Variants in SCAF11 observed in about 807,000 individuals in gnomAD.
The protein encoded by SCAF11 is SR-related CTD associated factor 11, also known as protein SCAF11.
Under a neutral mutation model 140.5 loss-of-function variants are expected in SCAF11, and 47 were observed. The ratio of observed to expected loss-of-function variants is 0.33; its 90% CI spans 0.26 to 0.43. The LOEUF (loss-of-function observed/expected upper bound fraction) is 0.43, where lower values mean the gene tolerates loss of function less well. SCAF11 is among the 20% of genes least tolerant of loss of function. The probability of loss-of-function intolerance (pLI) is 1.00; values close to 1 mark genes in which losing one functional copy is unlikely to be tolerated. For synonymous variants in SCAF11, 557 were observed against 579.4 expected, an observed-to-expected ratio of 0.96 and a Z score of 0.55; for missense variants, 1,645 against 1,705.1, an observed-to-expected ratio of 0.96 and a Z score of 0.62.
intron 4 of SCAF11, among the ~76,000 whole-genome samples, chr12:45,950,222 CT>C (rs1304781410): frequency 6.6e-6 from 1 of 151,794 alleles, no homozygotes; most frequent in Admixed American, 6.6e-5. Context: ...TCTATGGGAA[CT>C]GAAAAGTGAG....
upstream of SCAF11, chr12:45,992,036 T>G (rs749082226): frequency 1.6e-6 from 2 of 1,288,954 alleles, no homozygotes; most frequent in South Asian, 1.2e-5. Flanking sequence ...ACCGACCGCT[T>G]CACTGCCGCC....
At chr12:45,942,891 T>G (rs1306469436) in intron 6 of SCAF11, among the ~76,000 whole-genome samples, 1 of 152,178 alleles carries the variant, frequency 6.6e-6, no homozygotes, top group Non-Finnish European at 1.5e-5. Context: ...TGACAAGCAC[T>G]TTGTTGTTTT....
rs1592164689 is a variant in SCAF11, at chr12:45,926,512, A to C, written c.3189T>G (p.Phe1063Leu). The change falls in exon 11 of 15, where the codon TTT (phenylalanine) becomes TTG (leucine). Residue 1063 changes from phenylalanine (F) to leucine (L), a missense_variant. Phe to Leu is a conservative substitution (Grantham distance 22). Coordinates refer to ENST00000369367, the MANE Select transcript of SCAF11 (RefSeq NM_004719.3). ...CACGGTTAGATACCCAACCAGAACC[A>C]AAGTTTTTATTCCAAGAATTTCCTG... ...ENSGNSWNKNFGSGWVSNRGR... is the reference protein window; with the variant it reads ...ENSGNSWNKNLGSGWVSNRGR... 2 of 1,613,690 alleles carry C rather than the reference A, an allele frequency of 1.2e-6. No individual in the cohort carries two copies. The highest frequency in any genetic ancestry group is 3.3e-4 in the Middle Eastern group (2 of 6,058).
intron 6 of SCAF11, among the ~76,000 whole-genome samples, chr12:45,938,249 G>T (rs1045370191): frequency 1.3e-5 from 2 of 152,144 alleles, no homozygotes; most frequent in Non-Finnish European, 2.9e-5. Flanking sequence ...CAGCACTCTG[G>T]GAGGCCGAGG....
At chr12:45,955,956 T>C (rs1423896091) in intron 3 of SCAF11, 2 of 623,502 alleles carry the variant, frequency 3.2e-6, no homozygotes, top group African/African-American at 3.7e-5. Flanking sequence ...TGTACTAAGG[T>C]TGTTGTATCA....
At chr12:45,951,106 CAGTA>C (rs955066129) in intron 4 of SCAF11, among the ~76,000 whole-genome samples, 34 of 152,218 alleles carry the variant, frequency 2.2e-4, no homozygotes, top group South Asian at 1.0e-3. Context: ...TGGCTCACAA[CAGTA>C]AGTAACATTA....
chr12:45,924,929 A>C lies in SCAF11; in HGVS notation c.3705T>G (p.Val1235=). Residue 1235 remains valine, a synonymous_variant, in exon 12 of 15, where the codon GTT becomes GTG. Transcript: ENST00000369367. The stretch of plus-strand genomic sequence containing the variant: ...GTTGGATGTTCATCAAAGGAGCATG[A>C]ACACCCACTGGATATGGGAAGATAT... The part of the protein sequence containing the change: ...PMNIFPYPVG[V]HAPLMNIQRN... 6.2e-7 allele frequency: 1 copy of C among 1,614,184 alleles called. No individual in the cohort carries two copies. Among genetic ancestry groups the C allele is most frequent in the South Asian group, 1.1e-5 (1 of 91,090 alleles).
intron 6 of SCAF11, among the ~76,000 whole-genome samples, chr12:45,936,139 T>G (rs1020556279): frequency 6.0e-5 from 9 of 151,022 alleles, no homozygotes; most frequent in African/African-American, 2.2e-4. Flanking sequence ...CTATGTGTGG[T>G]TTTTTTTGTT....
At chr12:45,951,519 G>A in intron 4 of SCAF11, 131 bp downstream of exon 4, 1 of 567,782 alleles carries the variant, frequency 1.8e-6, no homozygotes, top group South Asian at 3.0e-5. Flanking sequence ...AATTTATCAT[G>A]CTAAGGAGGA....
chr12:45,935,600 T>C (rs190950604), intron 6 of SCAF11, among the ~76,000 whole-genome samples: 67 of 152,344 alleles, frequency 4.4e-4, no homozygotes, highest in African/African-American at 1.5e-3. Flanking sequence ...GCCCTAAGGA[T>C]GCTGAGTTGT....
intron 2 of SCAF11, among the ~76,000 whole-genome samples, chr12:45,962,418 A>C (rs1015900426): frequency 1.3e-5 from 2 of 152,206 alleles, no homozygotes; most frequent in African/African-American, 4.8e-5. Flanking sequence ...CTGTAGTGTA[A>C]GTTCCTAAAA....
At chr12:45,977,113 T>C (rs1946252016) in intron 1 of SCAF11, among the ~76,000 whole-genome samples, 1 of 151,810 alleles carries the variant, frequency 6.6e-6, no homozygotes, top group African/African-American at 2.4e-5. Flanking sequence ...TTCCAGAAAA[T>C]GGAAGATGAA....
intron 3 of SCAF11, chr12:45,956,204 A>G (rs779625489): frequency 1.3e-5 from 9 of 715,406 alleles, no homozygotes; most frequent in Non-Finnish European, 1.8e-5. Context: ...TTAGAGAGAG[A>G]GAAACAAGTG....
In SCAF11 at chr12:45,933,728, G is replaced by A. The variant is rs572239333; in HGVS notation, c.632+448C>T. On this transcript the variant is annotated intron_variant, in intron 8 of 14. Transcript: ENST00000369367. Reference sequence around the variant, plus strand: ...AAATCACACAATCGTATTCTGTGCTGCTGGCTCAACTAACTGTACGTGATT... The same window carrying A: ...AAATCACACAATCGTATTCTGTGCTACTGGCTCAACTAACTGTACGTGATT... Among the ~76,000 whole-genome samples the A allele has an allele frequency of 3.0e-3, 450 of 152,164 alleles. 2 individuals are homozygous for A. The highest frequency in any genetic ancestry group is 4.3e-3 in the Non-Finnish European group (291 of 67,992).
rs764959431 is a variant in SCAF11, at chr12:45,926,319, C to T, written c.3382G>A (p.Glu1128Lys). 1.2e-6 allele frequency: 2 copies of T among 1,614,156 alleles called. No individual in the cohort carries two copies. The highest frequency in any genetic ancestry group is 1.7e-6 in the Non-Finnish European group (2 of 1,180,012). Residue 1128 changes from glutamate (E) to lysine (K), a missense_variant, in exon 11 of 15, where the codon GAA (glutamate) becomes AAA (lysine). Physicochemically the swap from Glu to Lys is moderately conservative, Grantham distance 56 (BLOSUM62 1). Transcript: ENST00000369367. ...GGTGTATCAAATGAGAACTCCTGTTCACTTTTTCGCTTATAGGATTGCTGT... is the reference window on the plus strand; with the variant it reads ...GGTGTATCAAATGAGAACTCCTGTTTACTTTTTCGCTTATAGGATTGCTGT... Reference protein sequence around the residue: ...VEQQSYKRKSEQEFSFDTPAD... With the variant: ...VEQQSYKRKSKQEFSFDTPAD...
At chr12:45,952,503 G>C (rs1945575601) in intron 3 of SCAF11, among the ~76,000 whole-genome samples, 1 of 152,072 alleles carries the variant, frequency 6.6e-6, no homozygotes, top group Non-Finnish European at 1.5e-5. Flanking sequence ...TTCTTATTAA[G>C]TTGCTACTCT....
chr12:45,929,582 G>C (rs1019631983), intron 10 of SCAF11: 2 of 152,076 alleles, frequency 1.3e-5, no homozygotes, highest in African/African-American at 4.8e-5. Flanking sequence ...CTATGGTTTG[G>C]ATATGAAAGC....
chr12:45,964,729 T>C (rs1180401103), intron 1 of SCAF11, among the ~76,000 whole-genome samples: 2 of 151,722 alleles, frequency 1.3e-5, no homozygotes, highest in Admixed American at 6.6e-5. Flanking sequence ...CTAAATGATA[T>C]ATTTTGTGGC....
intron 1 of SCAF11, among the ~76,000 whole-genome samples, chr12:45,990,121 CG>C (rs1027744922): frequency 9.2e-5 from 14 of 152,168 alleles, no homozygotes; most frequent in Non-Finnish European, 1.8e-4. Flanking sequence ...GCCTCCCTCG[CG>C]GGGCAGCGAG....
Sources: allele counts gnomAD v4.1 joint callset (sites outside exome capture counted in the v4.1 genomes callset), GRCh38; gene constraint gnomAD v4.1.1; transcripts MANE v1.5; gene names NCBI Gene and HGNC (gene_info 2026-07-23, HGNC 2026-07-21).